The following MB21D2 variants were observed in gnomAD, a reference collection of about 807,000 sequenced individuals.
MB21D2 encodes the protein nucleotidyltransferase MB21D2.
A neutral mutation model predicts 33.3 loss-of-function variants in MB21D2; 9 were observed. The observed-to-expected ratio is 0.27, with a 90% CI of 0.16 to 0.47. The LOEUF (loss-of-function observed/expected upper bound fraction) is 0.47, where lower values mean the gene tolerates loss of function less well. Ranked by LOEUF, MB21D2 falls within the 20% of genes least tolerant of loss-of-function variation. MB21D2 has a pLI of 0.99. For missense variants in MB21D2, 540 were observed against 624.6 expected (o/e 0.86, Z 1.44); for synonymous variants, 241 against 236.3 (o/e 1.02, Z -0.18).
intron 1 of MB21D2, among the ~76,000 whole-genome samples, chr3:192,839,959 A>G (rs1577179537): frequency 6.6e-6 from 1 of 150,798 alleles, no homozygotes; most frequent in South Asian, 2.1e-4. Flanking sequence ...GTAACATGAA[A>G]CCACCCCACA....
At chr3:192,874,621 T>A (rs997299734) in intron 1 of MB21D2, among the ~76,000 whole-genome samples, 1 of 152,206 alleles carries the variant, frequency 6.6e-6, no homozygotes, top group Admixed American at 6.5e-5. Flanking sequence ...CTGTGCTGGA[T>A]ATCCTGTGTG....
At chr3:192,904,324 G>A (rs1457310478) in intron 1 of MB21D2, among the ~76,000 whole-genome samples, 1 of 152,156 alleles carries the variant, frequency 6.6e-6, no homozygotes, top group Non-Finnish European at 1.5e-5. Context: ...TTCAGAGCAG[G>A]CTGCAAAAGA....
At chr3:192,890,657 C>T (rs903410432) in intron 1 of MB21D2, among the ~76,000 whole-genome samples, 1 of 151,182 alleles carries the variant, frequency 6.6e-6, no homozygotes, top group Non-Finnish European at 1.5e-5. Flanking sequence ...TGTGCAGGTA[C>T]AAACTCATCA....
intron 1 of MB21D2, among the ~76,000 whole-genome samples, chr3:192,885,356 A>T (rs569371945): frequency 1.3e-5 from 2 of 152,042 alleles, no homozygotes; most frequent in Non-Finnish European, 2.9e-5. Context: ...AAAATCCCAA[A>T]TCTTCTCCAT....
intron 1 of MB21D2, among the ~76,000 whole-genome samples, chr3:192,863,082 T>G (rs1290775957): frequency 1.3e-5 from 2 of 152,162 alleles, no homozygotes; most frequent in Non-Finnish European, 2.9e-5. Context: ...AATGTATGAA[T>G]TTTGAGGGGA....
intron 1 of MB21D2, among the ~76,000 whole-genome samples, chr3:192,813,074 C>A (rs1295170810): frequency 2.6e-5 from 4 of 152,110 alleles, no homozygotes; most frequent in Non-Finnish European, 2.9e-5. Flanking sequence ...AAGCATCAGT[C>A]CCAGGCCTAT....
chr3:192,811,832 A>C (rs1711793808), intron 1 of MB21D2, among the ~76,000 whole-genome samples: 1 of 152,148 alleles, frequency 6.6e-6, no homozygotes, highest in South Asian at 2.1e-4. Flanking sequence ...CAACCATCAG[A>C]GTGGAGCTTT....
chr3:192,854,854 G>A (rs142749874), intron 1 of MB21D2, among the ~76,000 whole-genome samples: 11 of 152,264 alleles, frequency 7.2e-5, no homozygotes, highest in East Asian at 1.9e-4. Context: ...TGTTTACAGC[G>A]TGGTGAATTA....
chr3:192,828,043 C>T (rs1156253096), intron 1 of MB21D2, among the ~76,000 whole-genome samples: 4 of 152,060 alleles, frequency 2.6e-5, no homozygotes, highest in Non-Finnish European at 4.4e-5. Flanking sequence ...ATTCTCTTGT[C>T]TGCCGCCATA....
intron 1 of MB21D2, among the ~76,000 whole-genome samples, chr3:192,894,119 T>C (rs1379045844): frequency 2.0e-5 from 3 of 151,990 alleles, no homozygotes; most frequent in Non-Finnish European, 4.4e-5. Flanking sequence ...AAATTTTTGT[T>C]GTTTTTGTTT....
intron 1 of MB21D2, among the ~76,000 whole-genome samples, chr3:192,880,070 C>T (rs938877986): frequency 2.6e-5 from 4 of 152,196 alleles, no homozygotes; most frequent in Admixed American, 6.5e-5. Flanking sequence ...TAAGGACGGG[C>T]GCAGTGGCTC....
intron 1 of MB21D2, among the ~76,000 whole-genome samples, chr3:192,902,301 G>A (rs1353912354): frequency 6.6e-6 from 1 of 152,142 alleles, no homozygotes; most frequent in Non-Finnish European, 1.5e-5. Flanking sequence ...CAACCACATA[G>A]AGCCCGGCGT....
intron 1 of MB21D2, among the ~76,000 whole-genome samples, chr3:192,817,566 A>G (rs1711955544): frequency 6.6e-6 from 1 of 152,232 alleles, no homozygotes; most frequent in Non-Finnish European, 1.5e-5. Flanking sequence ...ATCTGTCATC[A>G]TTAAACAGGT....
intron 1 of MB21D2, among the ~76,000 whole-genome samples, chr3:192,877,853 G>A (rs892272847): frequency 2.4e-4 from 36 of 151,942 alleles, no homozygotes; most frequent in South Asian, 2.1e-4. Context: ...AAGTTGCCAC[G>A]TCTAAATTCT....
chr3:192,899,331 C>A (rs1714044483), intron 1 of MB21D2, among the ~76,000 whole-genome samples: 2 of 152,082 alleles, frequency 1.3e-5, no homozygotes, highest in Non-Finnish European at 2.9e-5. Context: ...GAGTTCGAGA[C>A]CAGCCTGACT....
chr3:192,912,476 C>T (rs1285210112), intron 1 of MB21D2, among the ~76,000 whole-genome samples: 1 of 152,000 alleles, frequency 6.6e-6, no homozygotes, highest in Admixed American at 6.6e-5. Context: ...CTAGACCAGC[C>T]TTGGCCAACA....
rs140644748 is a variant in MB21D2, at chr3:192,799,927, A to G, written c.212-277T>C. Reference sequence around the variant, plus strand: ...AAACAGGGCCCCTCTTCCCCCAGTCATCATCTCAGTTAATGGAATTGCCAT... The same window carrying G: ...AAACAGGGCCCCTCTTCCCCCAGTCGTCATCTCAGTTAATGGAATTGCCAT... On this transcript the variant is annotated intron_variant, in intron 1 of 1. Transcript: ENST00000392452. The surrounding 1 kb of genome is among the most constrained non-coding windows in gnomAD (Gnocchi z 4.1). Among the ~76,000 whole-genome samples, 109 of 152,236 alleles carry G rather than the reference A, an allele frequency of 7.2e-4. 1 individual carries two copies. The East Asian group carries it at 0.018, about 25-fold the overall frequency.
At position 192,893,244 on chromosome 3, in the gene MB21D2, G is replaced by A. The variant is rs11714424; in HGVS notation, c.211+24386C>T. 7.3e-3 allele frequency among the ~76,000 whole-genome samples: 1,117 copies of A among 152,182 alleles called. 9 individuals are homozygous for A. Among genetic ancestry groups the A allele is most frequent in the African/African-American group, 0.025 (1,055 of 41,494 alleles). On this transcript the variant is annotated intron_variant, in intron 1 of 1. Coordinates refer to ENST00000392452, the MANE Select transcript of MB21D2 (RefSeq NM_178496.4). ...TTCCCCATGTGTCAAGTGACATGAC[G>A]TCTTTACTTCTTCGAATGAGAACCG...
intron 1 of MB21D2, among the ~76,000 whole-genome samples, chr3:192,886,735 T>C (rs773484356): frequency 6.6e-6 from 1 of 152,174 alleles, no homozygotes; most frequent in Non-Finnish European, 1.5e-5. Flanking sequence ...CCTTACGTTT[T>C]TGAATTTTAC....
Sources: gnomAD v4.1 joint callset for allele counts (sites outside exome capture counted in the v4.1 genomes callset) on GRCh38, gnomAD v4.1.1 for gene constraint, Gnocchi (gnomAD v3.1) non-coding constraint, MANE v1.5 for transcripts, NCBI Gene and HGNC (gene_info 2026-07-23, HGNC 2026-07-21) for gene names.